Variants in NKAIN3 observed in about 807,000 individuals in gnomAD.
NKAIN3 encodes the protein sodium/potassium transporting ATPase interacting 3.
Under a neutral mutation model 30.2 loss-of-function variants are expected in NKAIN3, and 25 were observed. The ratio of observed to expected loss-of-function variants is 0.83; its 90% CI spans 0.60 to 1.16. The LOEUF (loss-of-function observed/expected upper bound fraction) is 1.16, where lower values mean the gene tolerates loss of function less well. Among genes scored for constraint, NKAIN3 ranks in the 50% most tolerant of loss-of-function variants. The pLI is 0.00. For missense variants in NKAIN3, 225 were observed against 254.1 expected (o/e 0.89, Z 0.78); for synonymous variants, 91 against 89.6 (o/e 1.02, Z -0.09).
intron 4 of NKAIN3, chr8:62,863,584 A>G: frequency 8.6e-7 from 1 of 1,159,888 alleles, no homozygotes. Flanking sequence ...CATGTATCCC[A>G]TTCATGCCTG....
At chr8:62,533,922 A>G (rs1158340530) in intron 1 of NKAIN3, among the ~76,000 whole-genome samples, 1 of 152,198 alleles carries the variant, frequency 6.6e-6, no homozygotes, top group Non-Finnish European at 1.5e-5. Flanking sequence ...AAATACCACA[A>G]ACTGGAACTG....
intron 4 of NKAIN3, among the ~76,000 whole-genome samples, chr8:62,801,366 C>A (rs925855145): frequency 6.6e-6 from 1 of 152,164 alleles, no homozygotes; most frequent in East Asian, 1.9e-4. Flanking sequence ...GGGAGGCACC[C>A]CCCGATAGGG....
intron 1 of NKAIN3, among the ~76,000 whole-genome samples, chr8:62,504,628 A>G (rs1012773903): frequency 6.6e-6 from 1 of 152,132 alleles, no homozygotes; most frequent in African/African-American, 2.4e-5. Context: ...TTTTCCATAA[A>G]TGGAAAATCA....
intron 2 of NKAIN3, among the ~76,000 whole-genome samples, chr8:62,582,884 C>G (rs945429548): frequency 6.6e-6 from 1 of 152,022 alleles, no homozygotes; most frequent in African/African-American, 2.4e-5. Flanking sequence ...GTGTGGAGAC[C>G]CAGGAGGGCT....
At chr8:62,689,416 G>A (rs2130438235) in intron 3 of NKAIN3, among the ~76,000 whole-genome samples, 1 of 152,156 alleles carries the variant, frequency 6.6e-6, no homozygotes, top group East Asian at 1.9e-4. Flanking sequence ...TTTTCTTCTG[G>A]TTTTAAGAAG....
chr8:62,607,497 A>C (rs979364008), intron 3 of NKAIN3, among the ~76,000 whole-genome samples: 2 of 152,108 alleles, frequency 1.3e-5, no homozygotes, highest in Non-Finnish European at 2.9e-5. Flanking sequence ...TATTTCTTGG[A>C]GAAAAAAATG....
chr8:62,856,090 C>G, intron 4 of NKAIN3: 1 of 705,794 alleles, frequency 1.4e-6, no homozygotes, highest in South Asian at 1.5e-5. Flanking sequence ...CCTGGATCAT[C>G]AAACTGTTTT....
At chr8:62,694,579 C>A (rs1351363) in intron 3 of NKAIN3, among the ~76,000 whole-genome samples, 7,587 of 152,118 alleles carry the variant, frequency 0.05, 632 homozygotes, top group African/African-American at 0.17. Context: ...TCCAGTAGAA[C>A]CTCCTCTATG....
At chr8:62,551,415 A>G (rs1263623142) in intron 1 of NKAIN3, among the ~76,000 whole-genome samples, 1 of 152,154 alleles carries the variant, frequency 6.6e-6, no homozygotes, top group African/African-American at 2.4e-5. Flanking sequence ...CATGATGAGG[A>G]GGGAAATTCA....
chr8:62,369,699 C>T (rs1816846965), intron 1 of NKAIN3, among the ~76,000 whole-genome samples: 1 of 151,784 alleles, frequency 6.6e-6, no homozygotes, highest in African/African-American at 2.4e-5. Context: ...ATAGATTTTC[C>T]TCATGCATGT....
At chr8:62,767,891 A>G (rs1000956394) in intron 4 of NKAIN3, among the ~76,000 whole-genome samples, 1 of 152,038 alleles carries the variant, frequency 6.6e-6, no homozygotes, top group African/African-American at 2.4e-5. Context: ...TAATTATTCT[A>G]TATTGATTAT....
chr8:62,877,828 G>A (rs1459393965), intron 4 of NKAIN3, among the ~76,000 whole-genome samples: 2 of 152,030 alleles, frequency 1.3e-5, no homozygotes, highest in African/African-American at 4.8e-5. Flanking sequence ...ATCACCTGAG[G>A]TTCGGAGTTC....
intron 3 of NKAIN3, among the ~76,000 whole-genome samples, chr8:62,736,217 G>T (rs972495443): frequency 4.9e-4 from 74 of 152,170 alleles, no homozygotes; most frequent in African/African-American, 1.7e-3. Context: ...AGTTTCTCAG[G>T]TAGTGGGCAG....
intron 3 of NKAIN3, among the ~76,000 whole-genome samples, chr8:62,734,152 G>A (rs1241722815): frequency 6.6e-6 from 1 of 152,092 alleles, no homozygotes; most frequent in Non-Finnish European, 1.5e-5. Flanking sequence ...GTGTGGTGGT[G>A]CACAACCGTA....
At chr8:62,714,905 T>G (rs553128189) in intron 3 of NKAIN3, among the ~76,000 whole-genome samples, 2 of 152,284 alleles carry the variant, frequency 1.3e-5, no homozygotes, top group Admixed American at 6.5e-5. Context: ...AACAGTGCTG[T>G]TTGTTTAGTT....
intron 1 of NKAIN3, among the ~76,000 whole-genome samples, chr8:62,565,945 A>C (rs939280723): frequency 1.3e-5 from 2 of 152,186 alleles, no homozygotes; most frequent in African/African-American, 4.8e-5. Flanking sequence ...AATGAAAAAC[A>C]TAATGGTTGT....
intron 1 of NKAIN3, among the ~76,000 whole-genome samples, chr8:62,427,137 T>C (rs529191825): frequency 3.3e-5 from 5 of 152,070 alleles, no homozygotes; most frequent in Non-Finnish European, 7.4e-5. Flanking sequence ...ATACAGGCTT[T>C]TGATATTGTC....
intron 3 of NKAIN3, among the ~76,000 whole-genome samples, chr8:62,712,785 G>A (rs1354840597): frequency 6.6e-6 from 1 of 152,140 alleles, no homozygotes; most frequent in Admixed American, 6.5e-5. Context: ...CTCAACTAGA[G>A]ATTTCCTTCT....
chr8:62,515,692 A>G (rs1807964586), intron 1 of NKAIN3, among the ~76,000 whole-genome samples: 2 of 152,126 alleles, frequency 1.3e-5, no homozygotes, highest in African/African-American at 2.4e-5. Context: ...TACACTCTCA[A>G]CAAGAATCCA....
Sources: allele counts gnomAD v4.1 joint callset (sites outside exome capture counted in the v4.1 genomes callset), GRCh38; gene constraint gnomAD v4.1.1; transcripts MANE v1.5; gene names NCBI Gene and HGNC (gene_info 2026-07-23, HGNC 2026-07-21).